Variants in FGF13 observed in about 807,000 individuals in gnomAD.
FGF13 encodes fibroblast growth factor 13.
A neutral mutation model predicts 19.5 loss-of-function variants in FGF13; 2 were observed. That is an observed-to-expected ratio of 0.10 (90% CI 0.04 to 0.32). FGF13 has a LOEUF of 0.32. Ranked by LOEUF, FGF13 falls within the 10% of genes least tolerant of loss-of-function variation. FGF13 has a pLI of 1.00. For synonymous variants in FGF13, 72 were observed against 76.9 expected, an observed-to-expected ratio of 0.94 and a Z score of 0.33; for missense variants, 113 against 192.7, an observed-to-expected ratio of 0.59 and a Z score of 2.45.
At chrX:139,136,299 C>T (rs2083799849) in intron 1 of FGF13, among the ~76,000 whole-genome samples, 1 of 111,180 alleles carries the variant, frequency 9.0e-6, no homozygotes, top group Admixed American at 9.6e-5. Flanking sequence ...GTGCACCTGT[C>T]ACCTGAGTAG....
rs148085888 is a variant in FGF13, at chrX:139,199,840, G to A, written c.-113+3576C>T. ...GCTGAAAAGAGGCTTAGAGGAAGCA[G>A]TACTAAGCTAGAGAAAAGATACAGT... On this transcript the variant is annotated intron_variant, in intron 1 of 2. Coordinates refer to the FGF13 transcript ENST00000421460. Among the ~76,000 whole-genome samples, 405 of 112,338 alleles carry A rather than the reference G, an allele frequency of 3.6e-3. 1 individual carries two copies. Among genetic ancestry groups the A allele is most frequent in the African/African-American group, 0.012 (382 of 30,895 alleles).
rs540742688 is a variant in FGF13 at position 138,834,918 on chromosome X, C to T, written c.217+22594G>A. Among the ~76,000 whole-genome samples the T allele has an allele frequency of 1.7e-3, 189 of 111,559 alleles. 1 individual carries two copies. The South Asian group carries it at 0.026, about 15-fold the overall frequency. ...TCTGCCTAAATTTTATTATTTACCC[C>T]AAAGTCATTCAGGATCAGGTTATTC... On this transcript the variant is annotated intron_variant, in intron 3 of 6. Transcript: ENST00000436198.
chrX:139,034,609 A>ATAAG (rs1470132849), intron 1 of FGF13, among the ~76,000 whole-genome samples: 8 of 111,532 alleles, frequency 7.2e-5, no homozygotes, highest in Non-Finnish European at 1.5e-4. Context: ...AGTCACTAAA[A>ATAAG]TAAGTGGCTT....
intron 1 of FGF13, among the ~76,000 whole-genome samples, chrX:139,123,840 A>G (rs2083695175): frequency 8.9e-6 from 1 of 112,524 alleles, no homozygotes; most frequent in South Asian, 3.7e-4. Flanking sequence ...CTGCCTTCGC[A>G]GGTGGTAAAA....
chrX:138,800,980 T>G (rs2090824109), intron 3 of FGF13, among the ~76,000 whole-genome samples: 1 of 112,240 alleles, frequency 8.9e-6, no homozygotes, highest in Admixed American at 9.5e-5. Flanking sequence ...TAGCAGTTCC[T>G]GTAACCTTTT....
intron 1 of FGF13, among the ~76,000 whole-genome samples, chrX:139,132,161 G>A (rs761974829): frequency 1.1e-4 from 12 of 111,397 alleles, no homozygotes; most frequent in South Asian, 7.5e-4. Flanking sequence ...CTGGTTTTAC[G>A]TTTACTACTT....
intron 3 of FGF13, among the ~76,000 whole-genome samples, chrX:138,654,744 AATACATACATACATAC>A (rs61363120): frequency 5.7e-5 from 6 of 105,060 alleles, no homozygotes; most frequent in African/African-American, 1.8e-4. Flanking sequence ...CCGGCTCAAA[AATACATACATACATAC>A]ATACATACAT....
At chrX:138,740,168 G>T (rs942581463), upstream of FGF13, among the ~76,000 whole-genome samples, 4 of 111,556 alleles carry the variant, frequency 3.6e-5, no homozygotes, top group African/African-American at 1.3e-4. Context: ...GTTATTCTGG[G>T]ATCAAATGAG....
At chrX:139,182,468 G>T (rs189061374) in intron 1 of FGF13, among the ~76,000 whole-genome samples, 2 of 111,970 alleles carry the variant, frequency 1.8e-5, no homozygotes, top group Non-Finnish European at 3.8e-5. Context: ...CTGAAATTGC[G>T]TATTGTTCTA....
chrX:138,649,762 T>C (rs886719723), intron 3 of FGF13, among the ~76,000 whole-genome samples: 11 of 112,457 alleles, frequency 9.8e-5, no homozygotes, highest in Admixed American at 7.5e-4. Flanking sequence ...AAAGCAGGTA[T>C]AAGTTCTGGT....
At chrX:138,766,483 T>G (rs149760933) in intron 3 of FGF13, among the ~76,000 whole-genome samples, 2,265 of 112,142 alleles carry the variant, frequency 0.02, 29 homozygotes, top group Middle Eastern at 0.032. Flanking sequence ...TGACATGATT[T>G]CAGTGCAAAC....
intron 1 of FGF13, among the ~76,000 whole-genome samples, chrX:139,179,909 C>T (rs1208195391): frequency 8.9e-6 from 1 of 112,958 alleles, no homozygotes; most frequent in Non-Finnish European, 1.9e-5. Flanking sequence ...CTTGGGTGTC[C>T]CCATAGTATG....
In FGF13 at chrX:138,860,922, G is replaced by A. The variant is rs775097550; in HGVS notation, c.-38-3243C>T. Reference sequence around the variant, plus strand: ...AGGACTCCGAAGTCTCACAGGAGTAGTGCAGAGTAGGAGGACACAAGTGCA... The same window carrying A: ...AGGACTCCGAAGTCTCACAGGAGTAATGCAGAGTAGGAGGACACAAGTGCA... On this transcript the variant is annotated intron_variant, in intron 2 of 2. Transcript: ENST00000421460. Among the ~76,000 whole-genome samples the A allele has an allele frequency of 3.6e-5, 4 of 112,503 alleles. No homozygotes were observed. The South Asian group carries it at 1.5e-3, about 41-fold the overall frequency.
At position 138,977,220 on chromosome X, in the gene FGF13, T is replaced by C. The variant is rs369007223; in HGVS notation, c.-112-112570A>G. On this transcript the variant is annotated intron_variant, in intron 1 of 2. Coordinates refer to the FGF13 transcript ENST00000421460. ...CTTCATGTGGTCTGGCCGGTACTTCTTCACATTAAATGCAATTCGTTTTCT... is the reference window on the plus strand; with the variant it reads ...CTTCATGTGGTCTGGCCGGTACTTCCTCACATTAAATGCAATTCGTTTTCT... Among the ~76,000 whole-genome samples the C allele has an allele frequency of 2.2e-4, 25 of 112,102 alleles. No homozygotes were observed. The East Asian group carries it at 2.5e-3, about 11-fold the overall frequency.
At chrX:138,670,713 C>A (rs913782766) in intron 3 of FGF13, among the ~76,000 whole-genome samples, 1 of 111,115 alleles carries the variant, frequency 9.0e-6, no homozygotes, top group African/African-American at 3.3e-5. Flanking sequence ...CTTTTTGTTT[C>A]AGTATAAAAT....
At chrX:138,945,566 C>G (rs753719889) in intron 1 of FGF13, among the ~76,000 whole-genome samples, 4 of 111,560 alleles carry the variant, frequency 3.6e-5, no homozygotes, top group Non-Finnish European at 7.5e-5. Context: ...CAGGGGTTGC[C>G]AACAGAACGA....
At chrX:139,132,369 T>C (rs1026328299) in intron 1 of FGF13, among the ~76,000 whole-genome samples, 2 of 112,473 alleles carry the variant, frequency 1.8e-5, no homozygotes, top group Middle Eastern at 4.7e-3. Flanking sequence ...CTTTTTAAAA[T>C]GTCTAGGTTA....
chrX:138,772,774 A>C (rs774841893), intron 3 of FGF13, among the ~76,000 whole-genome samples: 2 of 111,339 alleles, frequency 1.8e-5, no homozygotes, highest in South Asian at 7.6e-4. Context: ...ATAGGCCATT[A>C]GCTTTGAAAA....
chrX:139,055,195 G>A (rs2092317355), intron 1 of FGF13, among the ~76,000 whole-genome samples: 1 of 111,166 alleles, frequency 9.0e-6, no homozygotes, highest in Non-Finnish European at 1.9e-5. Context: ...TGATTGCTCT[G>A]GCTAGGAATT....
Sources: gnomAD v4.1 joint callset for allele counts (sites outside exome capture counted in the v4.1 genomes callset) on GRCh38, gnomAD v4.1.1 for gene constraint, MANE v1.5 for transcripts, NCBI Gene and HGNC (gene_info 2026-07-23, HGNC 2026-07-21) for gene names.